BCL9L: variants seen among roughly 807,000 people sequenced by gnomAD.
BCL9L encodes the protein B-cell CLL/lymphoma 9-like protein.
A neutral mutation model predicts 99.4 loss-of-function variants in BCL9L; 19 were observed. The observed-to-expected ratio is 0.19, with a 90% CI of 0.13 to 0.28. The LOEUF (loss-of-function observed/expected upper bound fraction) is 0.28. Among genes scored for constraint, BCL9L ranks in the 10% least tolerant of loss-of-function variants. The probability of loss-of-function intolerance (pLI) is 1.00; values close to 1 mark genes in which losing one functional copy is unlikely to be tolerated. For synonymous variants in BCL9L, 900 were observed against 854.8 expected, an observed-to-expected ratio of 1.05 and a Z score of -0.92; for missense variants, 2,023 against 2,101.6, an observed-to-expected ratio of 0.96 and a Z score of 0.73.
Position 118,909,969 on chromosome 11 carries a change from CT to C in BCL9L, c.-31del. The C allele has an allele frequency of 6.2e-7, 1 of 1,613,892 alleles. No homozygotes were observed. Among genetic ancestry groups the C allele is most frequent in the South Asian group, 1.1e-5 (1 of 91,072 alleles). On this transcript the variant is annotated 5_prime_UTR_variant, in exon 3 of 10. Coordinates refer to ENST00000683865, the MANE Select transcript of BCL9L (RefSeq NM_001378213.1). Reference sequence around the variant, plus strand: ...CCCACACACAGTGGGGCTACGGCCCCTGTGCGTGCCCAGGGCCCAGCCAGGT... The same window carrying C: ...CCCACACACAGTGGGGCTACGGCCCCGTGCGTGCCCAGGGCCCAGCCAGGT...
chr11:118,908,054 G>A (rs1036956244), intron 4 of BCL9L, among the ~76,000 whole-genome samples: 5 of 152,170 alleles, frequency 3.3e-5, no homozygotes, highest in East Asian at 1.9e-4. Context: ...CCAGAAGTCC[G>A]ACCACTCTGT....
Position 118,903,559 on chromosome 11 carries a change from G to T in BCL9L, c.533-107C>A. 1 of 1,248,894 alleles carries T rather than the reference G, an allele frequency of 8.0e-7. No individual in the cohort carries two copies. The highest frequency in any genetic ancestry group is 1.1e-6 in the Non-Finnish European group (1 of 874,422). The allele number at this position is 1,248,894 out of a possible 1,614,324, so 77.4% of individuals were successfully genotyped here. ...ACAGCCTTACAGCTCGTGCCCACAG[G>T]GACATTTGATGTCAGTATCTGGTGT... On this transcript the variant is annotated intron_variant, in intron 5 of 9. Coordinates refer to ENST00000683865, the MANE Select transcript of BCL9L (RefSeq NM_001378213.1). This position sits in a 1 kb window ranked among gnomAD's most constrained non-coding sequence, Gnocchi z 5.6.
At chr11:118,907,900 C>T (rs766403288) in intron 4 of BCL9L, among the ~76,000 whole-genome samples, 1 of 152,220 alleles carries the variant, frequency 6.6e-6, no homozygotes, top group Non-Finnish European at 1.5e-5. Flanking sequence ...CTCTTCCAGG[C>T]CCCAGTGCCT....
chr11:118,901,602 G>C lies in BCL9L; in HGVS notation c.2141C>G (p.Ala714Gly), dbSNP rs369480203. The change falls in exon 8 of 10, where the codon GCG becomes GGG. Residue 714 changes from alanine to glycine, a missense_variant. Physicochemically the swap from Ala to Gly is moderately conservative, Grantham distance 60. This residue lies in a region of BCL9L where 1,116 missense variants were observed against 1,194.6 expected (regional missense o/e 0.93). Coordinates refer to ENST00000683865, the MANE Select transcript of BCL9L (RefSeq NM_001378213.1). The surrounding 1 kb of genome is among the most constrained non-coding windows in gnomAD (Gnocchi z 6.6). ...QSMEMERMMQ[A>G]HRQMDPAMFP... ...CATGGCAGGATCCATCTGTCGGTGC[G>C]CCTGCATCATCCGCTCCATCTCCAT... 6.2e-7 allele frequency: 1 copy of C among 1,613,974 alleles called. No homozygotes were observed. Among genetic ancestry groups the C allele is most frequent in the African/African-American group, 1.3e-5 (1 of 75,050 alleles).
At chr11:118,909,795 A>ATCCC in intron 3 of BCL9L, 119 bp downstream of exon 3, 1 of 1,516,628 alleles carries the variant, frequency 6.6e-7, no homozygotes, top group Non-Finnish European at 9.1e-7. Flanking sequence ...GTGGCCTGGG[A>ATCCC]GCCAGGTGCC....
intron 1 of BCL9L, among the ~76,000 whole-genome samples, chr11:118,919,647 G>A (rs1421267629): frequency 6.6e-6 from 1 of 152,050 alleles, no homozygotes. Context: ...GCACTGGGCG[G>A]GGGGTGTCCC....
In BCL9L at chr11:118,898,541, G is replaced by A. The variant is rs1440520294; in HGVS notation, c.4374C>T (p.Ser1458=). The part of the protein sequence containing the change: ...QPPHMLSPQG[S]LMGPPPQQNL... Reference sequence around the variant, plus strand: ...TCTGCTGGGGCGGGGGGCCCATGAGGGAGCCCTGCGGGGAGAGCATGTGGG... The same window carrying A: ...TCTGCTGGGGCGGGGGGCCCATGAGAGAGCCCTGCGGGGAGAGCATGTGGG... The change falls in exon 10 of 10, where the codon TCC becomes TCT. Residue 1458 remains serine (S), a synonymous_variant. Transcript: ENST00000683865. 1 of 1,602,498 alleles carries A rather than the reference G, an allele frequency of 6.2e-7. No individual in the cohort carries two copies. Among genetic ancestry groups the A allele is most frequent in the Admixed American group, 1.7e-5 (1 of 59,366 alleles).
At position 118,900,272 on chromosome 11, in the gene BCL9L, A is replaced by G; in HGVS notation, c.3125-74T>C. On this transcript the variant is annotated intron_variant, in intron 8 of 9. Coordinates refer to ENST00000683865, the MANE Select transcript of BCL9L (RefSeq NM_001378213.1). The surrounding 1 kb of genome is among the most constrained non-coding windows in gnomAD (Gnocchi z 5.3). ...GATGAGTTTGGCTGTGGATATGGGGAGGTTTAGGAAGCGGTCAGTTCCCCA... is the reference window on the plus strand; with the variant it reads ...GATGAGTTTGGCTGTGGATATGGGGGGGTTTAGGAAGCGGTCAGTTCCCCA... 1.4e-6 allele frequency: 2 copies of G among 1,428,944 alleles called. No homozygotes were observed. The highest frequency in any genetic ancestry group is 2.8e-5 in the South Asian group (2 of 71,996). 88.5% of individuals were successfully genotyped at this position (1,428,944 alleles called of 1,614,324 possible).
chr11:118,923,210 A>G lies in BCL9L; in HGVS notation c.-131+2028T>C, dbSNP rs79372506. Among the ~76,000 whole-genome samples the G allele has an allele frequency of 8.6e-3, 1,303 of 152,216 alleles. 7 individuals are homozygous for G. The highest frequency in any genetic ancestry group is 0.011 in the Non-Finnish European group (734 of 67,992). ...GCTCCATCGCAGTCACTCCCCTGATAGGCAGGCAGCTCCCCTTTGCTCGGC... is the reference window on the plus strand; with the variant it reads ...GCTCCATCGCAGTCACTCCCCTGATGGGCAGGCAGCTCCCCTTTGCTCGGC... On this transcript the variant is annotated intron_variant, in intron 1 of 9. Transcript: ENST00000683865.
Position 118,901,761 on chromosome 11 carries a change from C to G in BCL9L, c.1982G>C (p.Gly661Ala), listed in dbSNP as rs1940251872. ...NFAQNTMPYPGGQGEAERFMT... is the reference protein window; with the variant it reads ...NFAQNTMPYPAGQGEAERFMT... ...GAATCGCTCCGCCTCACCCTGCCCACCTGGGTAGGGCATGGTGTTCTGGGC... is the reference window on the plus strand; with the variant it reads ...GAATCGCTCCGCCTCACCCTGCCCAGCTGGGTAGGGCATGGTGTTCTGGGC... The change falls in exon 8 of 10, where the codon GGT becomes GCT. Residue 661 changes from glycine to alanine, a missense_variant. Gly to Ala is a moderately conservative substitution (Grantham distance 60). Transcript: ENST00000683865. The surrounding 1 kb of genome is among the most constrained non-coding windows in gnomAD (Gnocchi z 6.6). 6.2e-7 allele frequency: 1 copy of G among 1,612,574 alleles called. No individual in the cohort carries two copies. Among genetic ancestry groups the G allele is most frequent in the South Asian group, 1.1e-5 (1 of 91,052 alleles).
rs199887747 is a variant in BCL9L, at chr11:118,908,522, C to T, written c.160G>A (p.Gly54Arg). 23 of 1,614,130 alleles carry T rather than the reference C, an allele frequency of 1.4e-5. No individual in the cohort carries two copies. The African/African-American group carries it at 1.7e-4, about 12-fold the overall frequency. ...LTNHGKTGNG[G>R]AQSQHQNVNQ... ...ACATTCTGGTGCTGAGATTGGGCCC[C>T]GCCATTCCCTGTCTTGCCATGATTG... is the stretch of plus-strand genomic sequence containing the variant. The change falls in exon 4 of 10, where the codon GGG becomes AGG. Residue 54 changes from glycine (G) to arginine (R), a missense_variant. Transcript: ENST00000683865.
chr11:118,898,392 G>A lies in BCL9L; in HGVS notation c.*23C>T, dbSNP rs372126201. ...GTTATCGTATTTGCAACATTGCCCC[G>A]GCTCCAGCCCTGGCAGCGACTTCTA... On this transcript the variant is annotated 3_prime_UTR_variant, in exon 10 of 10. Coordinates refer to ENST00000683865, the MANE Select transcript of BCL9L (RefSeq NM_001378213.1). The A allele has an allele frequency of 4.3e-5, 58 of 1,361,444 alleles. No individual in the cohort carries two copies. The highest frequency in any genetic ancestry group is 3.5e-4 in the African/African-American group (23 of 65,848). 84.3% of individuals were successfully genotyped at this position (1,361,444 alleles called of 1,614,324 possible).
Position 118,898,644 on chromosome 11 carries a change from G to A in BCL9L, c.4271C>T (p.Pro1424Leu). 1 of 1,612,454 alleles carries A rather than the reference G, an allele frequency of 6.2e-7. No homozygotes were observed. Among genetic ancestry groups the A allele is most frequent in the Non-Finnish European group, 8.5e-7 (1 of 1,179,676 alleles). ...ATTCTGCTGGGTCATGAGGCCTTGT[G>A]GAGGGGACATGACCCCCTGGTGCAG... ...HGLHQGVMSP[P>L]QGLMTQQNFM... Residue 1424 changes from proline (P) to leucine (L), a missense_variant, in exon 10 of 10, where the codon CCA becomes CTA. Pro to Leu is a moderately conservative substitution (Grantham distance 98). Around this residue, in one of 3 missense-constraint regions of BCL9L, gnomAD observed 902 missense variants for 888.2 expected, o/e 1.02. Transcript: ENST00000683865.
Position 118,898,294 on chromosome 11 carries a change from G to GCCCCCAACCCCC in BCL9L, c.*120_*121insGGGGGTTGGGGG. 2 of 452,312 alleles carry GCCCCCAACCCCC rather than the reference G, an allele frequency of 4.4e-6. 1 individual carries two copies. The highest frequency in any genetic ancestry group is 8.2e-6 in the Non-Finnish European group (2 of 244,762). 28.0% of individuals were successfully genotyped at this position (452,312 alleles called of 1,614,324 possible). On this transcript the variant is annotated 3_prime_UTR_variant, in exon 10 of 10. Transcript: ENST00000683865. ...TCCACAAATGCCACTCCCTACACAAGCCCCCTCCCACCCCCTCCACCCCAC... is the reference window on the plus strand; with the variant it reads ...TCCACAAATGCCACTCCCTACACAAGCCCCCAACCCCCCCCCCTCCCACCCCCTCCACCCCAC...
chr11:118,900,949 A>G lies in BCL9L; in HGVS notation c.2794T>C (p.Leu932=). 6.4e-7 allele frequency: 1 copy of G among 1,556,022 alleles called. No individual in the cohort carries two copies. The highest frequency in any genetic ancestry group is 1.4e-5 in the African/African-American group (1 of 73,618). ...ACCTGGCTAAGGGTGGGCGACTTCAAGTGCCCCATGCCCGGTGAGCCCATC... is the reference window on the plus strand; with the variant it reads ...ACCTGGCTAAGGGTGGGCGACTTCAGGTGCCCCATGCCCGGTGAGCCCATC... ...NQMGSPGMGH[L]KSPTLSQVHS... The change falls in exon 8 of 10, where the codon TTG becomes CTG. Residue 932 remains leucine, a synonymous_variant. Transcript: ENST00000683865. The surrounding 1 kb of genome is among the most constrained non-coding windows in gnomAD (Gnocchi z 5.3).
chr11:118,919,111 CCCCCCCGACCCCCCAA>C (rs1941067274), intron 1 of BCL9L, among the ~76,000 whole-genome samples: 63 of 34,220 alleles, frequency 1.8e-3, no homozygotes, highest in Non-Finnish European at 3.8e-3. Context: ...GCTGCCCCCC[CCCCCCCGACCCCCCAA>C]CCCCCGCCCA....
Position 118,907,579 on chromosome 11 carries a change from G to GCCGCTTACT in BCL9L, c.427_435dup (p.Ser143_Arg145dup). ...GGCTGCTTCCGCTCCAGCACACAGCGCCGCTTACTCCGCGGCGCCACCTCT... is the reference window on the plus strand; with the variant it reads ...GGCTGCTTCCGCTCCAGCACACAGCGCCGCTTACTCCGCTTACTCCGCGGCGCCACCTCT... On this transcript the variant is annotated inframe_insertion, in exon 5 of 10. Transcript: ENST00000683865. 1 of 1,613,644 alleles carries GCCGCTTACT rather than the reference G, an allele frequency of 6.2e-7. No individual in the cohort carries two copies. Among genetic ancestry groups the GCCGCTTACT allele is most frequent in the Non-Finnish European group, 8.5e-7 (1 of 1,180,004 alleles).
rs781466444 is a variant in BCL9L, at chr11:118,901,958, T to C, written c.1785A>G (p.Gly595=). The part of the protein sequence containing the change: ...DVQDPMQLRG[G]PPFPGPRFPG... ...GGAAACGGGGCCCAGGAAAGGGAGG[T>C]CCGCCCCGGAGCTGCATGGGATCTT... Residue 595 remains glycine (G), a synonymous_variant, in exon 8 of 10, where the codon GGA becomes GGG. Coordinates refer to ENST00000683865, the MANE Select transcript of BCL9L (RefSeq NM_001378213.1). The surrounding 1 kb of genome is among the most constrained non-coding windows in gnomAD (Gnocchi z 6.6). The C allele has an allele frequency of 1.9e-6, 3 of 1,612,572 alleles. No homozygotes were observed. The highest frequency in any genetic ancestry group is 2.5e-6 in the Non-Finnish European group (3 of 1,179,592).
At position 118,903,002 on chromosome 11, in the gene BCL9L, G is replaced by T. The variant is rs923079019; in HGVS notation, c.822C>A (p.Ala274=). Residue 274 remains alanine, a synonymous_variant, in exon 7 of 10, where the codon GCC becomes GCA. Coordinates refer to ENST00000683865, the MANE Select transcript of BCL9L (RefSeq NM_001378213.1). The surrounding 1 kb of genome is among the most constrained non-coding windows in gnomAD (Gnocchi z 5.6). The stretch of plus-strand genomic sequence containing the variant: ...GCGCCACGCTCACCTGGTCAAGCTT[G>T]GCCCGGGGCACGTTCTGCTGGTGGT... ...LAYHQQNVPR[A]KLDQAPKVPP... is the part of the protein sequence containing the mutation. 5 of 1,596,048 alleles carry T rather than the reference G, an allele frequency of 3.1e-6. No homozygotes were observed. The highest frequency in any genetic ancestry group is 4.3e-6 in the Non-Finnish European group (5 of 1,175,178).
Sources: allele counts gnomAD v4.1 joint callset (sites outside exome capture counted in the v4.1 genomes callset), GRCh38; gene constraint gnomAD v4.1.1; regional missense constraint gnomAD v4.1.1; non-coding constraint Gnocchi (gnomAD v3.1); transcripts MANE v1.5; gene names NCBI Gene and HGNC (gene_info 2026-07-23, HGNC 2026-07-21).